Variants in DNAH17 observed in about 807,000 individuals in gnomAD.
DNAH17 encodes the protein axonemal beta dynein heavy chain 17.
A neutral mutation model predicts 485.6 loss-of-function variants in DNAH17; 376 were observed. The observed-to-expected ratio is 0.77, with a 90% CI of 0.71 to 0.84. The LOEUF (loss-of-function observed/expected upper bound fraction) is 0.84, where lower values mean the gene tolerates loss of function less well. Among genes scored for constraint, DNAH17 ranks in the 40% least tolerant of loss-of-function variants. DNAH17 has a pLI of 0.00. For missense variants in DNAH17, 6,370 were observed against 5,839.3 expected, an observed-to-expected ratio of 1.09 and a Z score of -2.96; for synonymous variants, 3,031 against 2,405.9, an observed-to-expected ratio of 1.26 and a Z score of -7.60.
At chr17:78,505,485 T>C (rs142261604) in intron 30 of DNAH17, 40 bp from the exon 31 acceptor site, 1 of 1,613,254 alleles carries the variant, frequency 6.2e-7, no homozygotes, top group African/African-American at 1.3e-5. Flanking sequence ...CAACGGGGGA[T>C]TTGAAAGGCA....
rs769976401 is a variant in DNAH17 at position 78,486,304 on chromosome 17, C to CG, written c.7020dup (p.Asp2341ArgfsTer37). 3 of 1,612,826 alleles carry CG rather than the reference C, an allele frequency of 1.9e-6. No individual in the cohort carries two copies. Among genetic ancestry groups the CG allele is most frequent in the South Asian group, 1.1e-5 (1 of 90,998 alleles). On this transcript the variant is annotated frameshift_variant, in exon 45 of 81. Coordinates refer to ENST00000389840, the MANE Select transcript of DNAH17 (RefSeq NM_173628.4). LOFTEE classifies it high-confidence loss of function. ...AGCTCGTACAGCTCCCTGGGGGAGT[C>CG]GGGGGGCACGGTCTTCTCCGTGAGC...
intron 75 of DNAH17, among the ~76,000 whole-genome samples, chr17:78,432,417 T>A (rs2086708249): frequency 6.6e-6 from 1 of 152,086 alleles, no homozygotes; most frequent in African/African-American, 2.4e-5. Context: ...CTTTCCCCAG[T>A]GGCATCTATG....
chr17:78,540,262 G>A (rs1372302738), intron 17 of DNAH17, among the ~76,000 whole-genome samples: 1 of 148,788 alleles, frequency 6.7e-6, no homozygotes, highest in Non-Finnish European at 1.5e-5. Context: ...AATTCATGAA[G>A]GTGAAGGTTG....
At position 78,458,671 on chromosome 17, in the gene DNAH17, C is replaced by G; in HGVS notation, c.9871G>C (p.Ala3291Pro). The change falls in exon 62 of 81, where the codon GCC becomes CCC. Residue 3291 changes from alanine to proline, a missense_variant. Ala to Pro is a conservative substitution (Grantham distance 27). Transcript: ENST00000389840. Reference protein sequence around the residue: ...RIKNKIAELNANLSNLTSAFE... With the variant: ...RIKNKIAELNPNLSNLTSAFE... ...GCTGAGGTTAGGTTGCTCAGGTTGG[C>G]GTTAAGTTCCTGCAAAACCAAGTTG... 1 of 1,613,960 alleles carries G rather than the reference C, an allele frequency of 6.2e-7. No homozygotes were observed. Among genetic ancestry groups the G allele is most frequent in the South Asian group, 1.1e-5 (1 of 91,088 alleles).
Position 78,426,620 on chromosome 17 carries a change from G to A in DNAH17, c.12772-20C>T, listed in dbSNP as rs1042814602. ...TTCTCCCTAGGAGACACACAGATGG[G>A]TGTGGGGAGCCCTGAGCTGGGGCCT... On this transcript the variant is annotated intron_variant, in intron 78 of 80. Transcript: ENST00000389840. 33 of 1,583,248 alleles carry A rather than the reference G, an allele frequency of 2.1e-5. No homozygotes were observed. Among genetic ancestry groups the A allele is most frequent in the Non-Finnish European group, 2.8e-5 (33 of 1,162,246 alleles).
intron 54 of DNAH17, among the ~76,000 whole-genome samples, chr17:78,474,111 AG>A (rs1212867522): frequency 6.6e-6 from 1 of 152,218 alleles, no homozygotes. Context: ...CTGCCCCTCC[AG>A]GGTCTCTGCC....
At chr17:78,560,676 C>G (rs771934569) in intron 13 of DNAH17, 64 bp downstream of exon 13, 143 of 1,473,548 alleles carry the variant, frequency 9.7e-5, no homozygotes, top group Non-Finnish European at 1.2e-4. Flanking sequence ...GCTGAGGGAA[C>G]CTTGGCAGGC....
intron 15 of DNAH17, among the ~76,000 whole-genome samples, chr17:78,552,001 T>G (rs865886389): frequency 1.3e-5 from 2 of 152,014 alleles, no homozygotes; most frequent in South Asian, 2.1e-4. Context: ...ATGAAAACTT[T>G]TCTTGGGTTG....
At chr17:78,460,358 G>GTGTGTGCATC in intron 58 of DNAH17, 101 bp from the exon 59 acceptor site, 1 of 999,628 alleles carries the variant, frequency 1.0e-6, no homozygotes, top group Non-Finnish European at 1.5e-6. Flanking sequence ...GTGTGTGCAT[G>GTGTGTGCATC]TATGCACGTG....
At chr17:78,439,360 T>A (rs991279660) in intron 72 of DNAH17, 143 bp from the exon 73 acceptor site, 61 of 976,752 alleles carry the variant, frequency 6.2e-5, no homozygotes, top group Non-Finnish European at 8.8e-5. Context: ...CTTGCTGTTT[T>A]AAAACCCATC....
At chr17:78,535,631 C>G (rs2091354475) in intron 19 of DNAH17, among the ~76,000 whole-genome samples, 1 of 152,228 alleles carries the variant, frequency 6.6e-6, no homozygotes, top group Non-Finnish European at 1.5e-5. Flanking sequence ...CATTATTTTA[C>G]AATTCAAACA....
Position 78,505,289 on chromosome 17 carries a change from T to G in DNAH17, c.4956+4A>C. ...TTCCCTGTGTGGTGTGCGCACACAC[T>G]CACCTGCCCCGAGAGGTCGCATTCC... On this transcript the variant is annotated splice_donor_region_variant and intron_variant, in intron 31 of 80. Coordinates refer to ENST00000389840, the MANE Select transcript of DNAH17 (RefSeq NM_173628.4). 6.2e-7 allele frequency: 1 copy of G among 1,613,618 alleles called. No individual in the cohort carries two copies. The highest frequency in any genetic ancestry group is 8.5e-7 in the Non-Finnish European group (1 of 1,179,682).
chr17:78,554,535 A>G (rs965122727), intron 14 of DNAH17, among the ~76,000 whole-genome samples: 50 of 149,320 alleles, frequency 3.3e-4, no homozygotes, highest in African/African-American at 1.2e-3. Context: ...TAATGCTTGA[A>G]ATCCTGAATT....
rs2086903043 is a variant in DNAH17 at position 78,437,872 on chromosome 17, C to T, written c.11806-4G>A. On this transcript the variant is annotated splice_region_variant and splice_polypyrimidine_tract_variant and intron_variant, in intron 73 of 80. Transcript: ENST00000389840. The stretch of plus-strand genomic sequence containing the variant: ...ACCGGGCCACCAGGTGGATATTCTG[C>T]AGCCAAGACTAGAGGCTGGTTACAC... 5 of 1,604,356 alleles carry T rather than the reference C, an allele frequency of 3.1e-6. No individual in the cohort carries two copies. Among genetic ancestry groups the T allele is most frequent in the Non-Finnish European group, 4.3e-6 (5 of 1,174,472 alleles).
At chr17:78,554,445 A>C (rs2091976070) in intron 14 of DNAH17, among the ~76,000 whole-genome samples, 1 of 87,372 alleles carries the variant, frequency 1.1e-5, no homozygotes, top group African/African-American at 4.8e-5. Flanking sequence ...TCAAAAAAAA[A>C]AAAAAAAAAA....
rs748745984 is a variant in DNAH17 at position 78,533,064 on chromosome 17, T to C, written c.2860-328A>G. On this transcript the variant is annotated intron_variant, in intron 19 of 80. Transcript: ENST00000389840. ...GTGCCACTGTGCCTGGCCCAAGCTC[T>C]CACCACGGGAAATAGGAACCTTTGC... The C allele has an allele frequency of 7.0e-5, 16 of 230,046 alleles. No homozygotes were observed. The Admixed American group carries it at 8.2e-4, about 12-fold the overall frequency. 14.3% of individuals were successfully genotyped at this position (230,046 alleles called of 1,614,324 possible).
At chr17:78,462,552 T>A (rs1040716735) in intron 57 of DNAH17, among the ~76,000 whole-genome samples, 1 of 152,192 alleles carries the variant, frequency 6.6e-6, no homozygotes, top group Non-Finnish European at 1.5e-5. Flanking sequence ...ATTGACTGCA[T>A]TGGGCATGAT....
rs1382852762 is a variant in DNAH17, at chr17:78,537,421, T to C, written c.2737A>G (p.Asn913Asp). Residue 913 changes from asparagine (N) to aspartate (D), a missense_variant, in exon 19 of 81, where the codon AAC becomes GAC. Transcript: ENST00000389840. Reference protein sequence around the residue: ...MELDEDGLTFNPTLEVGSDRG... With the variant: ...MELDEDGLTFDPTLEVGSDRG... The stretch of plus-strand genomic sequence containing the variant: ...TCTGAGCCCACCTCCAGGGTCGGGT[T>C]GAAGGTCAGCCCATCCTCGTCCAGC... 6.2e-7 allele frequency: 1 copy of C among 1,613,390 alleles called. No homozygotes were observed. The highest frequency in any genetic ancestry group is 1.7e-5 in the Admixed American group (1 of 59,996).
chr17:78,468,610 G>A lies in DNAH17; in HGVS notation c.8778+7C>T, dbSNP rs1234064630. 6.2e-7 allele frequency: 1 copy of A among 1,609,924 alleles called. No homozygotes were observed. The highest frequency in any genetic ancestry group is 8.5e-7 in the Non-Finnish European group (1 of 1,177,354). On this transcript the variant is annotated splice_region_variant and intron_variant, in intron 55 of 80. Coordinates refer to ENST00000389840, the MANE Select transcript of DNAH17 (RefSeq NM_173628.4). ...TCTTGAGGCCCTGCCGAAGACGGGAGCCCCACCTTGAGCTGTCTGCGCACT... is the reference window on the plus strand; with the variant it reads ...TCTTGAGGCCCTGCCGAAGACGGGAACCCCACCTTGAGCTGTCTGCGCACT...
Sources: allele counts gnomAD v4.1 joint callset (sites outside exome capture counted in the v4.1 genomes callset), GRCh38; gene constraint gnomAD v4.1.1; transcripts MANE v1.5; gene names NCBI Gene and HGNC (gene_info 2026-07-23, HGNC 2026-07-21).